The following FGD6 variants were observed in gnomAD, a reference collection of about 807,000 sequenced individuals.
FGD6 encodes the protein FYVE, RhoGEF and PH domain containing 6.
Under a neutral mutation model 149.4 loss-of-function variants are expected in FGD6, and 90 were observed. The ratio of observed to expected loss-of-function variants is 0.60; its 90% confidence interval spans 0.51 to 0.72. The LOEUF (loss-of-function observed/expected upper bound fraction) is 0.72, where lower values mean the gene tolerates loss of function less well. Among genes scored for constraint, FGD6 ranks in the 30% least tolerant of loss-of-function variants. The probability of loss-of-function intolerance (pLI) is 0.00; values close to 1 mark genes in which losing one functional copy is unlikely to be tolerated. For synonymous variants in FGD6, 527 were observed against 584.0 expected, an observed-to-expected ratio of 0.90 and a Z score of 1.41; for missense variants, 1,437 against 1,684.8, an observed-to-expected ratio of 0.85 and a Z score of 2.57.
chr12:95,130,091 G>T (rs1167174688), intron 8 of FGD6, among the ~76,000 whole-genome samples: 11 of 152,170 alleles, frequency 7.2e-5, no homozygotes, highest in Non-Finnish European at 1.2e-4. Flanking sequence ...AAGAATGTAG[G>T]TGTAAGTGTT....
intron 16 of FGD6, 62 bp downstream of exon 16, chr12:95,092,637 T>C: frequency 1.3e-6 from 2 of 1,526,026 alleles, no homozygotes; most frequent in South Asian, 1.3e-5. Context: ...ATATGCTTCC[T>C]CACTATGTAC....
At chr12:95,153,933 G>A (rs1181496552) in intron 3 of FGD6, among the ~76,000 whole-genome samples, 2 of 130,134 alleles carry the variant, frequency 1.5e-5, no homozygotes, top group Non-Finnish European at 3.4e-5. Context: ...GTGTGTGTGT[G>A]TGTGTGTGTG....
At chr12:95,107,184 G>C (rs1878656699) in intron 12 of FGD6, 147 bp from the exon 13 acceptor site, 1 of 556,680 alleles carries the variant, frequency 1.8e-6, no homozygotes, top group Non-Finnish European at 3.0e-6. Context: ...ATATACACTA[G>C]AACTACCCAG....
rs773623090 is a variant in FGD6, at chr12:95,084,685, T to G, written c.4108-39A>C. 3 of 1,522,680 alleles carry G rather than the reference T, an allele frequency of 2.0e-6. No individual in the cohort carries two copies. The East Asian group carries it at 7.1e-5, about 36-fold the overall frequency. The allele number at this position is 1,522,680 out of a possible 1,614,324, so 94.3% of individuals were successfully genotyped here. On this transcript the variant is annotated intron_variant, in intron 19 of 20. Coordinates refer to ENST00000343958, the MANE Select transcript of FGD6 (RefSeq NM_018351.4). ...ATACAAATGGAGAAAAGTTTTTAGA[T>G]TGAGACAAAATTCAGATTTGAAAAC...
At chr12:95,137,877 C>T (rs1316906519) in intron 6 of FGD6, among the ~76,000 whole-genome samples, 199 bp from the exon 7 acceptor site, 1 of 152,126 alleles carries the variant, frequency 6.6e-6, no homozygotes, top group Admixed American at 6.6e-5. Flanking sequence ...TCCCTGCTTC[C>T]ATTCTTGCCC....
intron 9 of FGD6, among the ~76,000 whole-genome samples, chr12:95,110,237 A>G (rs2136242668): frequency 6.6e-6 from 1 of 151,966 alleles, no homozygotes; most frequent in Non-Finnish European, 1.5e-5. Context: ...CAGCCTCCCA[A>G]AGTGCTGGGA....
intron 3 of FGD6, among the ~76,000 whole-genome samples, chr12:95,157,559 T>A (rs1880508801): frequency 1.1e-5 from 1 of 93,200 alleles, no homozygotes. Context: ...AGAGCAAAAC[T>A]CTGTCTCAAA....
chr12:95,092,876 C>G, intron 15 of FGD6, 31 bp from the exon 16 acceptor site: 1 of 1,579,816 alleles, frequency 6.3e-7, no homozygotes, highest in African/African-American at 1.3e-5. Context: ...CTGATTATCT[C>G]CATGCACACT....
chr12:95,092,057 G>A (rs1224538709), intron 16 of FGD6, among the ~76,000 whole-genome samples: 1 of 152,126 alleles, frequency 6.6e-6, no homozygotes, highest in East Asian at 1.9e-4. Flanking sequence ...AAATAATAAA[G>A]TAAAGCAGTT....
At chr12:95,145,543 T>C (rs1879986272) in intron 5 of FGD6, among the ~76,000 whole-genome samples, 1 of 152,160 alleles carries the variant, frequency 6.6e-6, no homozygotes, top group Non-Finnish European at 1.5e-5. Context: ...TGAAGTTTCT[T>C]GTTAGTAATT....
intron 8 of FGD6, among the ~76,000 whole-genome samples, chr12:95,118,468 A>G (rs1879089880): frequency 6.6e-6 from 1 of 152,130 alleles, no homozygotes; most frequent in South Asian, 2.1e-4. Flanking sequence ...CCACTCATTG[A>G]TTACCTAATC....
chr12:95,097,265 A>T (rs1229255519), intron 14 of FGD6, among the ~76,000 whole-genome samples: 2 of 152,212 alleles, frequency 1.3e-5, no homozygotes, highest in African/African-American at 4.8e-5. Context: ...TTTTCTTTAT[A>T]GAATGTGTAT....
intron 2 of FGD6, among the ~76,000 whole-genome samples, chr12:95,174,253 G>A (rs536579742): frequency 6.6e-6 from 1 of 152,302 alleles, no homozygotes; most frequent in Non-Finnish European, 1.5e-5. Flanking sequence ...GTTAATTGTT[G>A]ACTGAGATTA....
intron 2 of FGD6, among the ~76,000 whole-genome samples, chr12:95,182,144 AT>A (rs1253214846): frequency 6.6e-6 from 1 of 151,862 alleles, no homozygotes; most frequent in African/African-American, 2.4e-5. Flanking sequence ...TTAGAAATAA[AT>A]AATGAGGTTG....
intron 14 of FGD6, among the ~76,000 whole-genome samples, chr12:95,104,493 G>A (rs1167630294): frequency 6.6e-6 from 1 of 151,862 alleles, no homozygotes; most frequent in African/African-American, 2.4e-5. Flanking sequence ...CTGGAGTGCA[G>A]TGGTGGGATC....
chr12:95,213,522 G>A (rs1351928545), intron 1 of FGD6, among the ~76,000 whole-genome samples: 1 of 152,160 alleles, frequency 6.6e-6, no homozygotes, highest in Non-Finnish European at 1.5e-5. Flanking sequence ...GAGTAAGACG[G>A]TAAATTTATC....
In FGD6 at chr12:95,078,524, C is replaced by G. The variant is rs1167360665; in HGVS notation, c.*2996G>C. ...TCGCCTTCTCTTTGTTGTGTCATTA[C>G]AGCTTTCATGTGAATCAAGGGTTGG... On this transcript the variant is annotated 3_prime_UTR_variant, in exon 21 of 21. Coordinates refer to ENST00000343958, the MANE Select transcript of FGD6 (RefSeq NM_018351.4). 1 of 152,186 alleles carries G rather than the reference C, an allele frequency of 6.6e-6. No homozygotes were observed. Among genetic ancestry groups the G allele is most frequent in the Non-Finnish European group, 1.5e-5 (1 of 68,040 alleles). The allele number at this position is 152,186 out of a possible 1,614,324, so 9.4% of individuals were successfully genotyped here. A position where few individuals can be genotyped will look rare whatever the true frequency, so the allele number is the denominator to read the frequency against.
rs140735902 is a variant in FGD6 at position 95,174,353 on chromosome 12, C to T, written c.2442-1609G>A. 1.0e-2 allele frequency among the ~76,000 whole-genome samples: 1,521 copies of T among 152,256 alleles called. 69 individuals carry two copies. Among genetic ancestry groups the T allele is most frequent in the Admixed American group, 0.08 (1,217 of 15,288 alleles). On this transcript the variant is annotated intron_variant, in intron 2 of 20. Transcript: ENST00000343958. ...AAGGTACCCCACCACTTGTTTTTAT[C>T]GTAATTCCTTATCTCTTTATATCTT...
chr12:95,091,649 GT>G, intron 17 of FGD6, 57 bp downstream of exon 17: 1 of 1,209,348 alleles, frequency 8.3e-7, no homozygotes, highest in Non-Finnish European at 1.2e-6. Flanking sequence ...TCAGAAGGTT[GT>G]TTGAAAGCAT....
Sources: gnomAD v4.1 joint callset for allele counts (sites outside exome capture counted in the v4.1 genomes callset) on GRCh38, gnomAD v4.1.1 for gene constraint, MANE v1.5 for transcripts, NCBI Gene and HGNC (gene_info 2026-07-23, HGNC 2026-07-21) for gene names.